Variants in RRBP1 observed in about 807,000 individuals in gnomAD.
RRBP1 encodes ribosome-binding protein 1.
Under a neutral mutation model 165.2 loss-of-function variants are expected in RRBP1, and 94 were observed. That is an observed-to-expected ratio of 0.57 (90% CI 0.48 to 0.68). RRBP1 has a LOEUF of 0.68. RRBP1 is among the 30% of genes least tolerant of loss of function. The pLI, the probability that RRBP1 is intolerant of heterozygous loss-of-function variation, is 0.00. For synonymous variants in RRBP1, 680 were observed against 714.5 expected (o/e 0.95, Z 0.77); for missense variants, 1,676 against 1,763.0 (o/e 0.95, Z 0.88).
At chr20:17,634,309 CACCAGGCCAGGCGGAGCTGGGAA>C (rs2036208037) in intron 7 of RRBP1, among the ~76,000 whole-genome samples, 1 of 152,210 alleles carries the variant, frequency 6.6e-6, no homozygotes, top group African/African-American at 2.4e-5. Context: ...TGGGACGCAG[CACCAGGCCAGGCGGAGCTGGGAA>C]ACCGGGCTGA....
intron 3 of RRBP1, among the ~76,000 whole-genome samples, chr20:17,655,170 G>A (rs1291193080): frequency 1.3e-5 from 2 of 152,138 alleles, no homozygotes; most frequent in African/African-American, 2.4e-5. Context: ...GGTCTTCAGC[G>A]TTGCTTTCTG....
chr20:17,625,333 G>T (rs1157073530), intron 12 of RRBP1, among the ~76,000 whole-genome samples, 179 bp downstream of exon 12: 1 of 152,090 alleles, frequency 6.6e-6, no homozygotes, highest in Non-Finnish European at 1.5e-5. Flanking sequence ...GTCTTTGGCG[G>T]AACTCAGGGG....
At position 17,625,524 on chromosome 20, in the gene RRBP1, T is replaced by G; in HGVS notation, c.3042A>C (p.Lys1014Asn). The change falls in exon 12 of 25, where the codon AAA becomes AAC. Residue 1014 changes from lysine (K) to asparagine (N), a missense_variant. This residue lies in a region of RRBP1 where 1,184 missense variants were observed against 1,167.1 expected (regional missense o/e 1.01). Coordinates refer to ENST00000377813, the MANE Select transcript of RRBP1 (RefSeq NM_001365613.2). Reference protein sequence around the residue: ...IELREAVEQQKVKNNDLREKN... With the variant: ...IELREAVEQQNVKNNDLREKN... ...CTGCCGCACTCACATTGTTCTTCAC[T>G]TTCTGCTGCTCGACGGCCTCCCTGA... 1.2e-6 allele frequency: 2 copies of G among 1,613,808 alleles called. No individual in the cohort carries two copies. Among genetic ancestry groups the G allele is most frequent in the Non-Finnish European group, 1.7e-6 (2 of 1,179,906 alleles).
intron 5 of RRBP1, among the ~76,000 whole-genome samples, chr20:17,637,287 G>A (rs2036265855): frequency 6.6e-6 from 1 of 152,184 alleles, no homozygotes; most frequent in Non-Finnish European, 1.5e-5. Flanking sequence ...GATACCCACA[G>A]GTGAACATGG....
chr20:17,652,759 C>G (rs567380939), intron 3 of RRBP1, among the ~76,000 whole-genome samples: 5 of 152,362 alleles, frequency 3.3e-5, no homozygotes, highest in Admixed American at 1.3e-4. Context: ...GGGGCCGCCG[C>G]AGCCTTTCCA....
At chr20:17,649,811 G>GA (rs2036524844) in intron 3 of RRBP1, among the ~76,000 whole-genome samples, 1 of 152,074 alleles carries the variant, frequency 6.6e-6, no homozygotes, top group African/African-American at 2.4e-5. Context: ...GGGGCTCAGC[G>GA]AGACTGCACA....
chr20:17,661,897 G>A (rs1397895053), intron 2 of RRBP1, among the ~76,000 whole-genome samples: 1 of 152,156 alleles, frequency 6.6e-6, no homozygotes, highest in African/African-American at 2.4e-5. Flanking sequence ...TCCAAATTTT[G>A]ACATGAGGGC....
chr20:17,664,955 A>T (rs2036840378), intron 2 of RRBP1, among the ~76,000 whole-genome samples: 2 of 152,240 alleles, frequency 1.3e-5, no homozygotes, highest in Admixed American at 6.5e-5. Flanking sequence ...CCTAATTTTT[A>T]AAATATTATG....
In RRBP1 at chr20:17,636,439, G is replaced by C. The variant is rs906537802; in HGVS notation, c.2337+138C>G. ...CAACAGCCCCTGGACTCCTAAACCT[G>C]ACCAGACCTTACAGACCCCTGTGGG... On this transcript the variant is annotated intron_variant, in intron 6 of 24. Transcript: ENST00000377813. 36 of 1,024,746 alleles carry C rather than the reference G, an allele frequency of 3.5e-5. No homozygotes were observed. In the Middle Eastern group the frequency reaches 1.5e-3, roughly 41 times the overall value. The allele number at this position is 1,024,746 out of a possible 1,614,324, so 63.5% of individuals were successfully genotyped here.
chr20:17,646,458 C>T (rs2036464231), intron 3 of RRBP1, among the ~76,000 whole-genome samples: 1 of 152,232 alleles, frequency 6.6e-6, no homozygotes, highest in African/African-American at 2.4e-5. Context: ...CCCAGCTCAG[C>T]TCCTTCCCAC....
At position 17,620,623 on chromosome 20, in the gene RRBP1, C is replaced by T. The variant is rs1420041498; in HGVS notation, c.3507+92G>A. The T allele has an allele frequency of 7.1e-6, 7 of 985,112 alleles. No homozygotes were observed. The East Asian group carries it at 1.0e-4, about 14-fold the overall frequency. 61.0% of individuals were successfully genotyped at this position (985,112 alleles called of 1,614,324 possible). A position where few individuals can be genotyped will look rare whatever the true frequency, so the allele number is the denominator to read the frequency against. Reference sequence around the variant, plus strand: ...CGTGGAAAAGCCCCACCGAGACACACGAGTCTCACAGGTGACAGAGACAAT... The same window carrying T: ...CGTGGAAAAGCCCCACCGAGACACATGAGTCTCACAGGTGACAGAGACAAT... On this transcript the variant is annotated intron_variant, in intron 17 of 24. Coordinates refer to ENST00000377813, the MANE Select transcript of RRBP1 (RefSeq NM_001365613.2).
chr20:17,626,999 C>T (rs1186839424), intron 11 of RRBP1, among the ~76,000 whole-genome samples: 1 of 152,168 alleles, frequency 6.6e-6, no homozygotes, highest in Non-Finnish European at 1.5e-5. Context: ...CTGACCTCAG[C>T]CCCTAAAATC....
At chr20:17,667,604 A>G (rs2122483629) in intron 2 of RRBP1, among the ~76,000 whole-genome samples, 1 of 152,292 alleles carries the variant, frequency 6.6e-6, no homozygotes, top group East Asian at 1.9e-4. Flanking sequence ...CTGCCTCCCC[A>G]GTGGTCAAAC....
intron 20 of RRBP1, among the ~76,000 whole-genome samples, 185 bp downstream of exon 20, chr20:17,618,411 C>A (rs1178490344): frequency 6.6e-6 from 1 of 152,228 alleles, no homozygotes; most frequent in African/African-American, 2.4e-5. Flanking sequence ...ACAGGCCCAG[C>A]TCAGAGTTCT....
At position 17,614,174 on chromosome 20, in the gene RRBP1, G is replaced by A. The variant is rs1236722062; in HGVS notation, c.*8C>T. ...TTGAACAGTAACTTCTTTTTCCAAAGAGGAAACTCAGACAGAGGTGCCCTC... is the reference window on the plus strand; with the variant it reads ...TTGAACAGTAACTTCTTTTTCCAAAAAGGAAACTCAGACAGAGGTGCCCTC... On this transcript the variant is annotated 3_prime_UTR_variant, in exon 25 of 25. Transcript: ENST00000377813. 1 of 1,613,892 alleles carries A rather than the reference G, an allele frequency of 6.2e-7. No homozygotes were observed. The highest frequency in any genetic ancestry group is 2.2e-5 in the East Asian group (1 of 44,878).
chr20:17,663,200 C>T (rs1314793720), intron 2 of RRBP1, among the ~76,000 whole-genome samples: 3 of 152,176 alleles, frequency 2.0e-5, no homozygotes, highest in African/African-American at 4.8e-5. Context: ...TGAACAGCCA[C>T]GCACAAAGCG....
intron 5 of RRBP1, among the ~76,000 whole-genome samples, chr20:17,639,076 T>A (rs895807510): frequency 1.1e-4 from 17 of 152,254 alleles, no homozygotes; most frequent in African/African-American, 4.1e-4. Flanking sequence ...GTCCGAGGCA[T>A]GGCTTCAGGA....
intron 2 of RRBP1, among the ~76,000 whole-genome samples, chr20:17,670,761 T>G (rs1037990157): frequency 6.6e-6 from 1 of 152,368 alleles, no homozygotes; most frequent in South Asian, 2.1e-4. Flanking sequence ...CTTAAAACAA[T>G]CTTTTCACTC....
intron 3 of RRBP1, among the ~76,000 whole-genome samples, chr20:17,655,569 T>C (rs902831564): frequency 1.3e-5 from 2 of 152,236 alleles, no homozygotes; most frequent in African/African-American, 2.4e-5. Flanking sequence ...GGCTGCACTG[T>C]GTCTGGGTGA....
Sources: allele counts gnomAD v4.1 joint callset (sites outside exome capture counted in the v4.1 genomes callset), GRCh38; gene constraint gnomAD v4.1.1; regional missense constraint gnomAD v4.1.1; transcripts MANE v1.5; gene names NCBI Gene and HGNC (gene_info 2026-07-23, HGNC 2026-07-21).